Variants in MACROD2 observed in about 807,000 individuals in gnomAD.
MACROD2 encodes the protein ADP-ribose glycohydrolase MACROD2.
In MACROD2, 36 loss-of-function variants were observed where a neutral mutation model predicts 70.4. That is an observed-to-expected ratio of 0.51 (90% CI 0.39 to 0.68). MACROD2 has a LOEUF of 0.68. MACROD2 is among the 30% of genes least tolerant of loss of function. The pLI is 0.00. For missense variants in MACROD2, 496 were observed against 538.4 expected, an observed-to-expected ratio of 0.92 and a Z score of 0.78; for synonymous variants, 172 against 178.8, an observed-to-expected ratio of 0.96 and a Z score of 0.30.
intron 2 of MACROD2, among the ~76,000 whole-genome samples, chr20:14,057,732 G>A (rs1435170430): frequency 6.6e-6 from 1 of 152,130 alleles, no homozygotes; most frequent in Admixed American, 6.5e-5. Flanking sequence ...ATTCAAAGTA[G>A]CATTATTTGT....
At chr20:15,494,320 C>T (rs2047266998) in intron 7 of MACROD2, among the ~76,000 whole-genome samples, 1 of 152,112 alleles carries the variant, frequency 6.6e-6, no homozygotes, top group Non-Finnish European at 1.5e-5. Flanking sequence ...AGCCCTTCCT[C>T]CTGGATATAT....
intron 6 of MACROD2, among the ~76,000 whole-genome samples, chr20:15,342,295 A>T (rs1456750187): frequency 6.6e-6 from 1 of 152,238 alleles, no homozygotes; most frequent in Non-Finnish European, 1.5e-5. Flanking sequence ...AAGTTAGAGC[A>T]GGCATTGTTA....
intron 3 of MACROD2, among the ~76,000 whole-genome samples, chr20:14,339,476 T>C (rs1041064393): frequency 2.6e-5 from 4 of 152,226 alleles, no homozygotes; most frequent in African/African-American, 9.6e-5. Flanking sequence ...GTTGGTTCTG[T>C]TTAAAAAAGA....
chr20:14,145,183 A>G (rs1014340915), intron 3 of MACROD2, among the ~76,000 whole-genome samples: 3 of 152,204 alleles, frequency 2.0e-5, no homozygotes, highest in African/African-American at 7.2e-5. Context: ...CTTAAAGGGA[A>G]TTTAAGACAA....
At chr20:15,930,039 A>G (rs182350943) in intron 10 of MACROD2, among the ~76,000 whole-genome samples, 1 of 152,300 alleles carries the variant, frequency 6.6e-6, no homozygotes, top group Non-Finnish European at 1.5e-5. Flanking sequence ...TAAATATGTG[A>G]TCTTAAAGGA....
At chr20:15,932,330 C>A (rs1005077030) in intron 10 of MACROD2, among the ~76,000 whole-genome samples, 2 of 152,050 alleles carry the variant, frequency 1.3e-5, no homozygotes, top group African/African-American at 2.4e-5. Context: ...GCTTGTAGGT[C>A]CCAGAATATC....
At chr20:14,624,869 A>C (rs1288033735) in intron 4 of MACROD2, among the ~76,000 whole-genome samples, 4 of 152,242 alleles carry the variant, frequency 2.6e-5, no homozygotes, top group African/African-American at 9.6e-5. Flanking sequence ...CTGCTGCAGC[A>C]CTACTACCTC....
intron 5 of MACROD2, among the ~76,000 whole-genome samples, chr20:15,123,596 AATTC>A (rs1568586160): frequency 1.8e-5 from 1 of 54,944 alleles, no homozygotes. Context: ...AAGTATGTGA[AATTC>A]ATTGCACTTA....
chr20:14,121,401 A>G (rs149980732), intron 3 of MACROD2, among the ~76,000 whole-genome samples: 2 of 152,134 alleles, frequency 1.3e-5, no homozygotes, highest in African/African-American at 4.8e-5. Context: ...CCTTTCCTTG[A>G]TTTGGGTTGC....
In MACROD2 at chr20:13,995,895, C is replaced by T. The variant is rs545975056; in HGVS notation, c.46+86C>T. The T allele has an allele frequency of 1.6e-3, 2,305 of 1,470,914 alleles. 2 individuals are homozygous for T. The highest frequency in any genetic ancestry group is 1.9e-3 in the Admixed American group (96 of 50,588). 91.1% of individuals were successfully genotyped at this position (1,470,914 alleles called of 1,614,324 possible). The stretch of plus-strand genomic sequence containing the variant: ...CAGGCTGTGTGTGCCGCGGCGCCCT[C>T]CGCCCGAGCTCCCGCCTCGCGCCCT... On this transcript the variant is annotated intron_variant, in intron 1 of 17. Coordinates refer to ENST00000684519, the MANE Select transcript of MACROD2 (RefSeq NM_001351661.2). The surrounding 1 kb of genome is among the most constrained non-coding windows in gnomAD (Gnocchi z 4.3).
At chr20:15,164,335 C>A (rs1161254709) in intron 5 of MACROD2, among the ~76,000 whole-genome samples, 2 of 151,904 alleles carry the variant, frequency 1.3e-5, no homozygotes, top group African/African-American at 4.8e-5. Flanking sequence ...TTCTAATATG[C>A]CATTTTTTAT....
At chr20:15,878,837 A>G (rs117112035) in intron 9 of MACROD2, among the ~76,000 whole-genome samples, 1 of 152,182 alleles carries the variant, frequency 6.6e-6, no homozygotes, top group East Asian at 1.9e-4. Flanking sequence ...TCTGAAGTAT[A>G]TAAAGCTAGC....
intron 4 of MACROD2, among the ~76,000 whole-genome samples, chr20:14,503,240 G>A (rs1417830102): frequency 6.6e-6 from 1 of 152,044 alleles, no homozygotes; most frequent in Non-Finnish European, 1.5e-5. Context: ...CAGAAGCTTA[G>A]AGTACACAAG....
chr20:15,936,165 CTATA>C (rs966279372), intron 11 of MACROD2, among the ~76,000 whole-genome samples: 3 of 149,654 alleles, frequency 2.0e-5, no homozygotes, highest in African/African-American at 7.4e-5. Context: ...TGCATATGTA[CTATA>C]TATATAGTTT....
At chr20:15,536,204 T>A (rs542061501) in intron 8 of MACROD2, among the ~76,000 whole-genome samples, 5 of 152,200 alleles carry the variant, frequency 3.3e-5, no homozygotes, top group African/African-American at 9.6e-5. Context: ...GACAGAACAG[T>A]TTTTGAGCTG....
chr20:15,743,510 C>G (rs767843734), intron 8 of MACROD2, among the ~76,000 whole-genome samples: 15 of 152,168 alleles, frequency 9.9e-5, no homozygotes, highest in Middle Eastern at 6.8e-3. Context: ...TTTTAAAATC[C>G]CACTTGACTT....
At chr20:15,594,523 A>G (rs2048722006) in intron 8 of MACROD2, among the ~76,000 whole-genome samples, 1 of 152,160 alleles carries the variant, frequency 6.6e-6, no homozygotes, top group African/African-American at 2.4e-5. Flanking sequence ...CCCATTCATA[A>G]CATGTGCGGG....
At chr20:14,377,305 A>G (rs891813823) in intron 3 of MACROD2, among the ~76,000 whole-genome samples, 8 of 152,196 alleles carry the variant, frequency 5.3e-5, no homozygotes, top group Non-Finnish European at 1.2e-4. Flanking sequence ...TGGGCATTCA[A>G]TGCTTCATTT....
At chr20:14,515,465 G>GCGCGCACACACACACACACACA (rs1369248292) in intron 4 of MACROD2, among the ~76,000 whole-genome samples, 4 of 127,066 alleles carry the variant, frequency 3.1e-5, no homozygotes, top group African/African-American at 6.3e-5. Flanking sequence ...ACACACACAC[G>GCGCGCACACACACACACACACA]CACACACACA....
Sources: allele counts gnomAD v4.1 joint callset (sites outside exome capture counted in the v4.1 genomes callset), GRCh38; gene constraint gnomAD v4.1.1; non-coding constraint Gnocchi (gnomAD v3.1); transcripts MANE v1.5; gene names NCBI Gene and HGNC (gene_info 2026-07-23, HGNC 2026-07-21).